PCDHGA10: variants seen among roughly 807,000 people sequenced by gnomAD.
The protein encoded by PCDHGA10 is protocadherin gamma subfamily A, 10.
Under a neutral mutation model 59.5 loss-of-function variants are expected in PCDHGA10, and 42 were observed. The observed-to-expected ratio is 0.71, with a 90% CI of 0.55 to 0.91. PCDHGA10 has a LOEUF of 0.91. PCDHGA10 is among the 40% of genes least tolerant of loss of function. The pLI is 0.00. For synonymous variants in PCDHGA10, 511 were observed against 517.2 expected (o/e 0.99, Z 0.16); for missense variants, 1,111 against 1,198.2 (o/e 0.93, Z 1.07).
In PCDHGA10 at chr5:141,432,752, G is replaced by C. The variant is rs1407361813; in HGVS notation, c.2436+17141G>C. On this transcript the variant is annotated intron_variant, in intron 1 of 3. Coordinates refer to ENST00000398610, the MANE Select transcript of PCDHGA10 (RefSeq NM_018913.3). The surrounding 1 kb of genome is among the most constrained non-coding windows in gnomAD (Gnocchi z 6.0). Reference sequence around the variant, plus strand: ...CACTGTCACGCTCACCGTGGCCGTGGCCGACAGCATCCCCCAAGTCCTGGC... The same window carrying C: ...CACTGTCACGCTCACCGTGGCCGTGCCCGACAGCATCCCCCAAGTCCTGGC... 9.3e-6 allele frequency: 15 copies of C among 1,614,024 alleles called. No individual in the cohort carries two copies. The highest frequency in any genetic ancestry group is 1.3e-5 in the Non-Finnish European group (15 of 1,180,008).
At chr5:141,508,096 G>A (rs1489615862) in intron 3 of PCDHGA10, 1 of 152,476 alleles carries the variant, frequency 6.6e-6, no homozygotes, top group African/African-American at 2.4e-5. Context: ...CCTTGGCCCT[G>A]GGATGGGGTA....
In PCDHGA10 at chr5:141,489,223, C is replaced by T. The variant is rs771455540; in HGVS notation, c.2437-5584C>T. The T allele has an allele frequency of 6.6e-7, 1 of 1,515,444 alleles. No homozygotes were observed. The highest frequency in any genetic ancestry group is 1.3e-5 in the South Asian group (1 of 75,776). 93.9% of individuals were successfully genotyped at this position (1,515,444 alleles called of 1,614,324 possible). A position where few individuals can be genotyped will look rare whatever the true frequency, so the allele number is the denominator to read the frequency against. The stretch of plus-strand genomic sequence containing the variant: ...CAGGACAGCACAGACTTACTCTCCA[C>T]AAAGGGACTTCTGGGTCATGGGGCC... On this transcript the variant is annotated intron_variant, in intron 1 of 3. Coordinates refer to ENST00000398610, the MANE Select transcript of PCDHGA10 (RefSeq NM_018913.3). The surrounding 1 kb of genome is among the most constrained non-coding windows in gnomAD (Gnocchi z 4.5).
At chr5:141,494,075 C>T (rs1482844644) in intron 1 of PCDHGA10, among the ~76,000 whole-genome samples, 7 of 152,322 alleles carry the variant, frequency 4.6e-5, no homozygotes, top group East Asian at 1.9e-4. Context: ...GATCCCTCCC[C>T]GCTGCATCCC....
At position 141,511,410 on chromosome 5, in the gene PCDHGA10, T is replaced by A; in HGVS notation, c.*237T>A. The stretch of plus-strand genomic sequence containing the variant: ...GGAACCCCCATCCAATCAACTGCTG[T>A]ACCCATGGGGGTAGTGGGGTTACTG... On this transcript the variant is annotated 3_prime_UTR_variant, in exon 4 of 4. Coordinates refer to ENST00000398610, the MANE Select transcript of PCDHGA10 (RefSeq NM_018913.3). 1 of 908,820 alleles carries A rather than the reference T, an allele frequency of 1.1e-6. No individual in the cohort carries two copies. The highest frequency in any genetic ancestry group is 1.6e-6 in the Non-Finnish European group (1 of 624,202). 56.3% of individuals were successfully genotyped at this position (908,820 alleles called of 1,614,324 possible). A position where few individuals can be genotyped will look rare whatever the true frequency, so the allele number is the denominator to read the frequency against.
Position 141,477,650 on chromosome 5 carries a change from A to C in PCDHGA10, c.2437-17157A>C. The C allele has an allele frequency of 6.2e-7, 1 of 1,614,210 alleles. No homozygotes were observed. Among genetic ancestry groups the C allele is most frequent in the Non-Finnish European group, 8.5e-7 (1 of 1,180,036 alleles). On this transcript the variant is annotated intron_variant, in intron 1 of 3. Coordinates refer to ENST00000398610, the MANE Select transcript of PCDHGA10 (RefSeq NM_018913.3). The surrounding 1 kb of genome is among the most constrained non-coding windows in gnomAD (Gnocchi z 4.9). The stretch of plus-strand genomic sequence containing the variant: ...CGGGCTAGTGGGTCGCTATTTCACA[A>C]TAAATCGTGACAATGGCATAGTGTC...
Position 141,489,471 on chromosome 5 carries a change from G to A in PCDHGA10, c.2437-5336G>A. ...AGGAGAATGGGCGCTATTTTTCCCT[G>A]AGCTTGATGAGTGGTGCCCTGGCAG... On this transcript the variant is annotated intron_variant, in intron 1 of 3. Transcript: ENST00000398610. This position sits in a 1 kb window ranked among gnomAD's most constrained non-coding sequence, Gnocchi z 4.5. 1 of 1,614,074 alleles carries A rather than the reference G, an allele frequency of 6.2e-7. No homozygotes were observed. The highest frequency in any genetic ancestry group is 8.5e-7 in the Non-Finnish European group (1 of 1,180,026).
At position 141,490,456 on chromosome 5, in the gene PCDHGA10, C is replaced by G. The variant is rs370141879; in HGVS notation, c.2437-4351C>G. On this transcript the variant is annotated intron_variant, in intron 1 of 3. Transcript: ENST00000398610. The surrounding 1 kb of genome is among the most constrained non-coding windows in gnomAD (Gnocchi z 5.4). The stretch of plus-strand genomic sequence containing the variant: ...TAAGCCTTCTGAGAACCACTACTCG[C>G]TGCTAACCAGCCAGCCTTTGGACCG... 3.7e-6 allele frequency: 6 copies of G among 1,614,114 alleles called. No individual in the cohort carries two copies. Among genetic ancestry groups the G allele is most frequent in the Non-Finnish European group, 5.1e-6 (6 of 1,180,058 alleles).
Position 141,511,225 on chromosome 5 carries a change from C to T in PCDHGA10, c.*52C>T, listed in dbSNP as rs2099883678. On this transcript the variant is annotated 3_prime_UTR_variant, in exon 4 of 4. Transcript: ENST00000398610. Reference sequence around the variant, plus strand: ...GGCGGCCTCTCCCCAACCAGCCCAGCTTCTCCTTACCTGCACCCAGGCCTC... The same window carrying T: ...GGCGGCCTCTCCCCAACCAGCCCAGTTTCTCCTTACCTGCACCCAGGCCTC... 1.9e-6 allele frequency: 3 copies of T among 1,601,506 alleles called. No individual in the cohort carries two copies. Among genetic ancestry groups the T allele is most frequent in the Non-Finnish European group, 2.6e-6 (3 of 1,174,170 alleles).
chr5:141,418,681 C>T (rs778899235), intron 1 of PCDHGA10: 2 of 1,614,052 alleles, frequency 1.2e-6, no homozygotes, highest in Non-Finnish European at 1.7e-6. Flanking sequence ...AGGGCATCAA[C>T]TCAGAGATCA....
At position 141,431,307 on chromosome 5, in the gene PCDHGA10, A is replaced by G. The variant is rs1332508283; in HGVS notation, c.2436+15696A>G. On this transcript the variant is annotated intron_variant, in intron 1 of 3. Transcript: ENST00000398610. This position sits in a 1 kb window ranked among gnomAD's most constrained non-coding sequence, Gnocchi z 4.8. ...AACACTCACTTCTCCCTCATCGTGC[A>G]AAATGGAGCCGACGGTAGTAAGTAC... 3.7e-6 allele frequency: 6 copies of G among 1,614,002 alleles called. No homozygotes were observed. The African/African-American group carries it at 4.0e-5, about 11-fold the overall frequency.
chr5:141,423,085 G>A, intron 1 of PCDHGA10: 1 of 1,614,072 alleles, frequency 6.2e-7, no homozygotes, highest in Non-Finnish European at 8.5e-7. Flanking sequence ...ACTCTTCGCG[G>A]TGGGGGAGCA....
chr5:141,421,997 G>A, intron 1 of PCDHGA10: 1 of 1,609,178 alleles, frequency 6.2e-7, no homozygotes. Flanking sequence ...GAAAACATCA[G>A]CTCCGGAACT....
At chr5:141,438,605 T>TAC (rs2098010130) in intron 1 of PCDHGA10, among the ~76,000 whole-genome samples, 1 of 27,802 alleles carries the variant, frequency 3.6e-5, no homozygotes. Flanking sequence ...TATATATATA[T>TAC]ATATATATAT....
In PCDHGA10 at chr5:141,431,561, G is replaced by T; in HGVS notation, c.2436+15950G>T. The T allele has an allele frequency of 6.2e-7, 1 of 1,614,146 alleles. No homozygotes were observed. On this transcript the variant is annotated intron_variant, in intron 1 of 3. Transcript: ENST00000398610. This position sits in a 1 kb window ranked among gnomAD's most constrained non-coding sequence, Gnocchi z 4.8. Reference sequence around the variant, plus strand: ...GCAGCTGCTTGTAGTCAACGCTACCGACCCTGACGAAGGAGTCAATGCGGA... The same window carrying T: ...GCAGCTGCTTGTAGTCAACGCTACCTACCCTGACGAAGGAGTCAATGCGGA...
chr5:141,496,876 A>G (rs964149656), intron 2 of PCDHGA10, among the ~76,000 whole-genome samples: 1 of 149,154 alleles, frequency 6.7e-6, no homozygotes, highest in African/African-American at 2.5e-5. Flanking sequence ...AAAATTTGCA[A>G]CAAGTAACAC....
intron 3 of PCDHGA10, among the ~76,000 whole-genome samples, chr5:141,505,861 C>A (rs115699706): frequency 0.034 from 5,102 of 152,242 alleles, 131 homozygotes; most frequent in Admixed American, 0.057. Flanking sequence ...GGGACAGGGA[C>A]CCCAAAGGGT....
chr5:141,489,971 C>A lies in PCDHGA10; in HGVS notation c.2437-4836C>A, dbSNP rs1254025468. 1 of 1,614,060 alleles carries A rather than the reference C, an allele frequency of 6.2e-7. No homozygotes were observed. The highest frequency in any genetic ancestry group is 1.3e-5 in the African/African-American group (1 of 74,944). Reference sequence around the variant, plus strand: ...AATGATAATGCTCCAACCTTCCAATCCTCAGTTCTACGTGTGGGAATCCCA... The same window carrying A: ...AATGATAATGCTCCAACCTTCCAATACTCAGTTCTACGTGTGGGAATCCCA... On this transcript the variant is annotated intron_variant, in intron 1 of 3. Transcript: ENST00000398610. The surrounding 1 kb of genome is among the most constrained non-coding windows in gnomAD (Gnocchi z 4.5).
intron 1 of PCDHGA10, among the ~76,000 whole-genome samples, chr5:141,460,889 G>A (rs901987902): frequency 3.3e-5 from 5 of 150,280 alleles, no homozygotes; most frequent in East Asian, 3.9e-4. Flanking sequence ...ATGCCTTTTC[G>A]TGGCTGAGTA....
At chr5:141,492,132 C>A (rs1289132641) in intron 1 of PCDHGA10, among the ~76,000 whole-genome samples, 3 of 152,220 alleles carry the variant, frequency 2.0e-5, no homozygotes, top group African/African-American at 4.8e-5. Context: ...CAGCTCCCAG[C>A]ATCTGTGACT....
Sources: gnomAD v4.1 joint callset for allele counts (sites outside exome capture counted in the v4.1 genomes callset) on GRCh38, gnomAD v4.1.1 for gene constraint, Gnocchi (gnomAD v3.1) non-coding constraint, MANE v1.5 for transcripts, NCBI Gene and HGNC (gene_info 2026-07-23, HGNC 2026-07-21) for gene names.